SPDYE18: variants seen among roughly 807,000 people sequenced by gnomAD.
The protein encoded by SPDYE18 is speedy/RINGO cell cycle regulator family member E18.
SPDYE18 carries 6 observed loss-of-function variants against 44.9 expected under a neutral mutation model. That is an observed-to-expected ratio of 0.13 (90% CI 0.07 to 0.26). SPDYE18 has a LOEUF of 0.26. Ranked by LOEUF, SPDYE18 falls within the 10% of genes least tolerant of loss-of-function variation. SPDYE18 has a pLI of 1.00. For missense variants in SPDYE18, 121 were observed against 463.2 expected, an observed-to-expected ratio of 0.26 and a Z score of 6.78; for synonymous variants, 35 against 177.1, an observed-to-expected ratio of 0.20 and a Z score of 6.37.
Position 77,062,500 on chromosome 7 carries a change from A to C in SPDYE18, c.-426T>G, listed in dbSNP as rs1321112825. On this transcript the variant is annotated 5_prime_UTR_variant, in exon 1 of 9. An upstream start codon of the reference 5' UTR is lost. Transcript: ENST00000510091. ...GGAGGAATAGGGGCTGGTCACCTGC[A>C]TTTCCCCTCCCTGCACAAAGTCCTG... 6.6e-6 allele frequency among the ~76,000 whole-genome samples: 1 copy of C among 152,116 alleles called. No homozygotes were observed. The highest frequency in any genetic ancestry group is 6.5e-5 in the Admixed American group (1 of 15,270).
intron 6 of SPDYE18, among the ~76,000 whole-genome samples, chr7:77,054,032 A>C (rs1449284075): frequency 1.3e-5 from 2 of 151,992 alleles, no homozygotes; most frequent in Non-Finnish European, 2.9e-5. Context: ...AATTGAATAC[A>C]TTGATATTTT....
intron 4 of SPDYE18, among the ~76,000 whole-genome samples, chr7:77,057,305 G>A (rs2117321631): frequency 6.6e-6 from 1 of 152,042 alleles, no homozygotes; most frequent in South Asian, 2.1e-4. Context: ...AGGCTGGAGT[G>A]CAGTGGTGTA....
intron 4 of SPDYE18, among the ~76,000 whole-genome samples, chr7:77,057,165 G>C (rs3972501): frequency 1.3e-5 from 2 of 152,244 alleles, no homozygotes; most frequent in Non-Finnish European, 2.9e-5. Context: ...ATCTTGGCTC[G>C]CTGCAACCTC....
At chr7:77,057,072 CTTGATT>C (rs1562793809) in intron 4 of SPDYE18, among the ~76,000 whole-genome samples, 1 of 152,262 alleles carries the variant, frequency 6.6e-6, no homozygotes, top group African/African-American at 2.4e-5. Flanking sequence ...TTTTGTTTTT[CTTGATT>C]TTTATTTTTA....
At chr7:77,061,846 G>A (rs1790025379) in intron 1 of SPDYE18, among the ~76,000 whole-genome samples, 1 of 117,868 alleles carries the variant, frequency 8.5e-6, no homozygotes, top group Non-Finnish European at 1.7e-5. Flanking sequence ...GTGGGTTCCC[G>A]GCTGGGCTCA....
intron 2 of SPDYE18, among the ~76,000 whole-genome samples, chr7:77,060,057 G>A (rs1483239757): frequency 2.9e-5 from 4 of 137,626 alleles, no homozygotes; most frequent in African/African-American, 8.4e-5. Flanking sequence ...GTGCAGTAGC[G>A]TGATCTCAGC....
At chr7:77,062,200 C>G (rs568673532) in intron 1 of SPDYE18, among the ~76,000 whole-genome samples, 4 of 144,504 alleles carry the variant, frequency 2.8e-5, no homozygotes, top group African/African-American at 9.9e-5. Flanking sequence ...GAGTCTCTCG[C>G]TCATAGAAAA....
chr7:77,057,246 G>T (rs1789939572), intron 4 of SPDYE18, among the ~76,000 whole-genome samples: 1 of 151,934 alleles, frequency 6.6e-6, no homozygotes, highest in South Asian at 2.1e-4. Flanking sequence ...ATGAGCTACT[G>T]TGCCCAGCCT....
chr7:77,056,807 C>T (rs1302414864), intron 4 of SPDYE18, among the ~76,000 whole-genome samples, 199 bp from the exon 5 acceptor site: 6 of 148,282 alleles, frequency 4.0e-5, no homozygotes, highest in African/African-American at 1.2e-4. Flanking sequence ...GAGAAGAGGC[C>T]GAAGGAGGCC....
chr7:77,052,159 C>T (rs568800565), intron 8 of SPDYE18, among the ~76,000 whole-genome samples: 3 of 144,184 alleles, frequency 2.1e-5, no homozygotes, highest in Non-Finnish European at 4.5e-5. Flanking sequence ...GAGTAGGGCA[C>T]CCTCAGAGAA....
chr7:77,056,876 G>C (rs1164733931), intron 4 of SPDYE18, among the ~76,000 whole-genome samples: 1 of 150,692 alleles, frequency 6.6e-6, no homozygotes, highest in African/African-American at 2.4e-5. Context: ...CCCTCCAGCA[G>C]ACACGGAGGG....
rs556700606 is a variant in SPDYE18, at chr7:77,060,957, G to C, written c.-421-24C>G. Reference sequence around the variant, plus strand: ...GTCTGGTGGGAGAGGGAACAGAGTGGGAAAGAAAACTAGGGTAAGCAGAAA... The same window carrying C: ...GTCTGGTGGGAGAGGGAACAGAGTGCGAAAGAAAACTAGGGTAAGCAGAAA... On this transcript the variant is annotated intron_variant, in intron 1 of 8. Coordinates refer to ENST00000510091, the MANE Select transcript of SPDYE18 (RefSeq NM_001394953.1). 5.6e-4 allele frequency among the ~76,000 whole-genome samples: 84 copies of C among 149,512 alleles called. 1 individual carries two copies. The Middle Eastern group carries it at 0.01, about 18-fold the overall frequency.
chr7:77,059,949 C>T (rs1789993427), intron 2 of SPDYE18, among the ~76,000 whole-genome samples: 1 of 150,098 alleles, frequency 6.7e-6, no homozygotes, highest in African/African-American at 2.5e-5. Context: ...TGCACCCAGC[C>T]TGAATTTCTC....
At chr7:77,058,465 C>T (rs58985353) in intron 3 of SPDYE18, among the ~76,000 whole-genome samples, 3 of 119,868 alleles carry the variant, frequency 2.5e-5, no homozygotes, top group Non-Finnish European at 3.5e-5. Context: ...ACCCTCCTCA[C>T]GTGCTCCTTC....
intron 8 of SPDYE18, among the ~76,000 whole-genome samples, 167 bp downstream of exon 8, chr7:77,052,566 T>G (rs1472629396): frequency 1.1e-3 from 170 of 152,178 alleles, no homozygotes; most frequent in African/African-American, 4.1e-3. Flanking sequence ...TCCTGAGTAG[T>G]TGGGAGTAGA....
rs564060949 is a variant in SPDYE18, at chr7:77,060,340, C to G, written c.160+13G>C. On this transcript the variant is annotated intron_variant, in intron 2 of 8. Transcript: ENST00000510091. ...CAACCCTATCCCACCTCTTCTTCCA[C>G]CAGTCCCCTCACCTGATGGTCCCAA... 2 of 1,535,282 alleles carry G rather than the reference C, an allele frequency of 1.3e-6. No individual in the cohort carries two copies. The highest frequency in any genetic ancestry group is 1.7e-6 in the Non-Finnish European group (2 of 1,146,782).
At position 77,051,450 on chromosome 7, in the gene SPDYE18, A is replaced by G. The variant is rs528558173; in HGVS notation, c.*475T>C. ...TAAAATGCAGAGTGTGCATGAAGCTATCTGTTACAATCTGTGGCACTGATA... is the reference window on the plus strand; with the variant it reads ...TAAAATGCAGAGTGTGCATGAAGCTGTCTGTTACAATCTGTGGCACTGATA... On this transcript the variant is annotated 3_prime_UTR_variant, in exon 9 of 9. Coordinates refer to ENST00000510091, the MANE Select transcript of SPDYE18 (RefSeq NM_001394953.1). Among the ~76,000 whole-genome samples, 2 of 152,398 alleles carry G rather than the reference A, an allele frequency of 1.3e-5. No individual in the cohort carries two copies. The highest frequency in any genetic ancestry group is 2.4e-5 in the African/African-American group (1 of 41,600).
intron 6 of SPDYE18, among the ~76,000 whole-genome samples, chr7:77,053,996 C>G (rs1291732433): frequency 3.3e-5 from 5 of 151,136 alleles, no homozygotes; most frequent in East Asian, 2.0e-4. Flanking sequence ...GGGGACAGGG[C>G]AAGTCTGTCT....
At chr7:77,052,378 C>G in intron 8 of SPDYE18, among the ~76,000 whole-genome samples, 1 of 152,140 alleles carries the variant, frequency 6.6e-6, no homozygotes, top group African/African-American at 2.4e-5. Context: ...TTCACTGAAC[C>G]CTCGACCCAA....
Sources: gnomAD v4.1 joint callset for allele counts (sites outside exome capture counted in the v4.1 genomes callset) on GRCh38, gnomAD v4.1.1 for gene constraint, MANE v1.5 for transcripts, NCBI Gene and HGNC (gene_info 2026-07-23, HGNC 2026-07-21) for gene names.